The following FAM118A variants were observed in gnomAD, a reference collection of about 807,000 sequenced individuals.
FAM118A encodes the protein SIR2 antiphage like 2.
Under a neutral mutation model 38.2 loss-of-function variants are expected in FAM118A, and 25 were observed. The ratio of observed to expected loss-of-function variants is 0.65; its 90% CI spans 0.48 to 0.91. The LOEUF (loss-of-function observed/expected upper bound fraction) is 0.91. Among genes scored for constraint, FAM118A ranks in the 40% least tolerant of loss-of-function variants. The pLI is 0.00. For missense variants in FAM118A, 425 were observed against 463.3 expected, an observed-to-expected ratio of 0.92 and a Z score of 0.76; for synonymous variants, 178 against 184.1, an observed-to-expected ratio of 0.97 and a Z score of 0.27.
intron 4 of FAM118A, 97 bp from the exon 5 acceptor site, chr22:45,330,506 T>C: frequency 3.8e-6 from 5 of 1,311,434 alleles, no homozygotes; most frequent in Non-Finnish European, 5.1e-6. Flanking sequence ...CTTTCCAAGA[T>C]AGGTTTAAAA....
chr22:45,320,437 C>CTT (rs1159738857), intron 1 of FAM118A, among the ~76,000 whole-genome samples: 1 of 116,764 alleles, frequency 8.6e-6, no homozygotes. Flanking sequence ...TCTTCTTCTT[C>CTT]TTTTTTTTTT....
chr22:45,333,210 G>A (rs1190412732), intron 6 of FAM118A, among the ~76,000 whole-genome samples: 3 of 152,104 alleles, frequency 2.0e-5, no homozygotes, highest in Non-Finnish European at 4.4e-5. Context: ...GTGTCCTAGT[G>A]ACAGTCTGTA....
chr22:45,325,858 C>T (rs1294253986), intron 3 of FAM118A, among the ~76,000 whole-genome samples: 1 of 152,042 alleles, frequency 6.6e-6, no homozygotes, highest in Non-Finnish European at 1.5e-5. Context: ...GGGGAGCCCC[C>T]AGGAAGGGTC....
At chr22:45,330,856 C>T in intron 5 of FAM118A, 125 bp downstream of exon 5, 4 of 1,124,078 alleles carry the variant, frequency 3.6e-6, no homozygotes, top group Non-Finnish European at 3.5e-6. Flanking sequence ...CGGCCCTGCA[C>T]ACAGTTGCTG....
intron 1 of FAM118A, among the ~76,000 whole-genome samples, chr22:45,317,591 G>A (rs113573248): frequency 5.3e-5 from 8 of 152,232 alleles, no homozygotes; most frequent in African/African-American, 1.2e-4. Context: ...TCGTTCATTC[G>A]TCCATCTGCT....
intron 6 of FAM118A, among the ~76,000 whole-genome samples, chr22:45,334,192 C>A (rs1320879644): frequency 6.6e-6 from 1 of 152,190 alleles, no homozygotes; most frequent in South Asian, 2.1e-4. Flanking sequence ...GTGAGAAATT[C>A]TTAAACTTGG....
upstream of FAM118A, chr22:45,309,665 CGGACTCTAG>C (rs2084278447): frequency 6.6e-6 from 1 of 152,284 alleles, no homozygotes; most frequent in Admixed American, 6.5e-5. Flanking sequence ...GGCTAGGACG[CGGACTCTAG>C]GCCCAAGCGC....
intron 6 of FAM118A, chr22:45,335,057 G>A: frequency 2.3e-6 from 1 of 430,100 alleles, no homozygotes; most frequent in South Asian, 5.6e-5. Flanking sequence ...TCGAATTCAT[G>A]GAGTGCCACT....
chr22:45,330,889 C>T lies in FAM118A; in HGVS notation c.651+158C>T, dbSNP rs111286574. ...CTGAGGGAGGGGCCACGTCTCTTGTCCTCGTCTGTGTCTCTGGGGTCCCGC... is the reference window on the plus strand; with the variant it reads ...CTGAGGGAGGGGCCACGTCTCTTGTTCTCGTCTGTGTCTCTGGGGTCCCGC... On this transcript the variant is annotated intron_variant, in intron 5 of 8. Coordinates refer to ENST00000441876, the MANE Select transcript of FAM118A (RefSeq NM_017911.4). The T allele has an allele frequency of 1.7e-5, 12 of 704,578 alleles. No individual in the cohort carries two copies. The African/African-American group carries it at 1.8e-4, about 11-fold the overall frequency. 43.6% of individuals were successfully genotyped at this position (704,578 alleles called of 1,614,324 possible). A position where few individuals can be genotyped will look rare whatever the true frequency, so the allele number is the denominator to read the frequency against.
chr22:45,328,676 G>T (rs1385589331), intron 4 of FAM118A: 2 of 571,530 alleles, frequency 3.5e-6, no homozygotes, highest in East Asian at 2.9e-5. Context: ...CTGGCAACTT[G>T]GGAGGCTGAG....
At chr22:45,336,817 C>G (rs924660282) in intron 8 of FAM118A, among the ~76,000 whole-genome samples, 2 of 152,236 alleles carry the variant, frequency 1.3e-5, no homozygotes, top group Non-Finnish European at 2.9e-5. Flanking sequence ...CCAGGACACC[C>G]CTTGTCACTG....
intron 8 of FAM118A, among the ~76,000 whole-genome samples, chr22:45,338,490 C>T (rs915019995): frequency 6.6e-6 from 1 of 152,168 alleles, no homozygotes; most frequent in African/African-American, 2.4e-5. Flanking sequence ...GCTTCCCAAA[C>T]TGCTGGGATT....
intron 5 of FAM118A, 136 bp from the exon 6 acceptor site, chr22:45,332,289 A>G: frequency 4.6e-6 from 4 of 868,208 alleles, no homozygotes; most frequent in Non-Finnish European, 7.1e-6. Flanking sequence ...TGTCCTTCTA[A>G]CTGTGCTCCT....
chr22:45,309,662 A>C (rs767498410), upstream of FAM118A: 2 of 152,244 alleles, frequency 1.3e-5, no homozygotes, highest in East Asian at 3.9e-4. Context: ...TAGGGCTAGG[A>C]CGCGGACTCT....
At position 45,331,356 on chromosome 22, in the gene FAM118A, T is replaced by C. The variant is rs1191847731; in HGVS notation, c.651+625T>C. On this transcript the variant is annotated intron_variant, in intron 5 of 8. Transcript: ENST00000441876. Reference sequence around the variant, plus strand: ...ATAAATAAATAAAAGTAAATAACACTTCATTCTCTGTGAGGTTTTATTTTT... The same window carrying C: ...ATAAATAAATAAAAGTAAATAACACCTCATTCTCTGTGAGGTTTTATTTTT... Among the ~76,000 whole-genome samples the C allele has an allele frequency of 4.3e-5, 4 of 94,006 alleles. No individual in the cohort carries two copies. The East Asian group carries it at 1.2e-3, about 29-fold the overall frequency. The allele number at this position is 94,006 out of a possible 152,430, so 61.7% of individuals were successfully genotyped here.
intron 1 of FAM118A, among the ~76,000 whole-genome samples, chr22:45,316,477 C>T (rs1204272835): frequency 2.6e-5 from 4 of 152,134 alleles, no homozygotes; most frequent in African/African-American, 7.2e-5. Context: ...AGGGTCTGGC[C>T]GTTGAGCTTC....
At chr22:45,323,485 G>A (rs1404979190) in intron 3 of FAM118A, 58 bp downstream of exon 3, 2 of 1,581,322 alleles carry the variant, frequency 1.3e-6, no homozygotes, top group African/African-American at 2.7e-5. Context: ...GGTTGGATGA[G>A]TCTGTGAACC....
At chr22:45,318,050 C>T (rs949588756) in intron 1 of FAM118A, among the ~76,000 whole-genome samples, 1 of 152,164 alleles carries the variant, frequency 6.6e-6, no homozygotes, top group Non-Finnish European at 1.5e-5. Flanking sequence ...CTGTAAATAA[C>T]AAGTTCGATT....
At chr22:45,334,074 C>A (rs1001578792) in intron 6 of FAM118A, among the ~76,000 whole-genome samples, 1 of 152,168 alleles carries the variant, frequency 6.6e-6, no homozygotes, top group African/African-American at 2.4e-5. Context: ...CACTTTACTT[C>A]TTTTTTCACG....
Sources: allele counts gnomAD v4.1 joint callset (sites outside exome capture counted in the v4.1 genomes callset), GRCh38; gene constraint gnomAD v4.1.1; transcripts MANE v1.5; gene names NCBI Gene and HGNC (gene_info 2026-07-23, HGNC 2026-07-21).